Variants in SCAPER observed in about 807,000 individuals in gnomAD.
SCAPER encodes S phase cyclin A-associated protein in the endoplasmic reticulum.
A neutral mutation model predicts 182.2 loss-of-function variants in SCAPER; 98 were observed. The observed-to-expected ratio is 0.54, with a 90% CI of 0.46 to 0.64. The LOEUF (loss-of-function observed/expected upper bound fraction) is 0.64, where lower values mean the gene tolerates loss of function less well. SCAPER is among the 30% of genes least tolerant of loss of function. The pLI, the probability that SCAPER is intolerant of heterozygous loss-of-function variation, is 0.00. For synonymous variants in SCAPER, 605 were observed against 564.6 expected (o/e 1.07, Z -1.01); for missense variants, 1,432 against 1,690.0 (o/e 0.85, Z 2.68).
Position 76,665,754 on chromosome 15 carries a change from A to G in SCAPER, c.2544T>C (p.Ile848=). 6.5e-7 allele frequency: 1 copy of G among 1,543,124 alleles called. No homozygotes were observed. Among genetic ancestry groups the G allele is most frequent in the Non-Finnish European group, 8.7e-7 (1 of 1,144,818 alleles). ...CTGCTGGAGCTGTACTTTCAACCAC[A>G]ATGTCAATAATGTACTTCTTCAAGG... ...HLSLKKYIID[I]VVESTAPAEA... is the part of the protein sequence containing the mutation. The change falls in exon 21 of 32, where the codon ATT becomes ATC. Residue 848 remains isoleucine (I), a synonymous_variant. Coordinates refer to ENST00000563290, the MANE Select transcript of SCAPER (RefSeq NM_020843.4).
chr15:76,622,076 G>A (rs1028166673), intron 21 of SCAPER, among the ~76,000 whole-genome samples: 9 of 152,154 alleles, frequency 5.9e-5, no homozygotes, highest in Non-Finnish European at 1.2e-4. Flanking sequence ...AACGTGACCA[G>A]ACTCTCAAAG....
intron 28 of SCAPER, among the ~76,000 whole-genome samples, chr15:76,378,602 T>G (rs943354726): frequency 1.3e-5 from 2 of 152,216 alleles, no homozygotes; most frequent in African/African-American, 4.8e-5. Context: ...TAGACAGATG[T>G]GTTGCTTTAG....
intron 17 of SCAPER, among the ~76,000 whole-genome samples, chr15:76,723,129 T>C (rs966505327): frequency 5.3e-5 from 8 of 152,234 alleles, no homozygotes; most frequent in Admixed American, 5.2e-4. Flanking sequence ...GTATGTTGTG[T>C]CTTTGTTCTC....
At chr15:76,539,574 TC>T (rs1478495464) in intron 23 of SCAPER, among the ~76,000 whole-genome samples, 1 of 130,908 alleles carries the variant, frequency 7.6e-6, no homozygotes, top group Non-Finnish European at 1.6e-5. Context: ...TGAGACGGAG[TC>T]TCACTGTCTC....
chr15:76,619,534 C>A (rs890235047), intron 22 of SCAPER, among the ~76,000 whole-genome samples: 5 of 152,122 alleles, frequency 3.3e-5, no homozygotes, highest in African/African-American at 1.2e-4. Flanking sequence ...ATATTCCCAT[C>A]TTTTAGAGAG....
In SCAPER at chr15:76,800,272, T is replaced by C. The variant is rs2065674202; in HGVS notation, c.587A>G (p.Asn196Ser). 3 of 1,612,414 alleles carry C rather than the reference T, an allele frequency of 1.9e-6. No homozygotes were observed. The highest frequency in any genetic ancestry group is 2.5e-6 in the Non-Finnish European group (3 of 1,179,004). Residue 196 changes from asparagine (N) to serine (S), a missense_variant, in exon 7 of 32, where the codon AAT becomes AGT. Around this residue, in one of 5 missense-constraint regions of SCAPER, gnomAD observed 480 missense variants for 510.2 expected, o/e 0.94. Coordinates refer to ENST00000563290, the MANE Select transcript of SCAPER (RefSeq NM_020843.4). ...CCCAAAATTTAAGCTTCGTCGAGCATTTGATGTTACATTTATTCTATCTGT... is the reference window on the plus strand; with the variant it reads ...CCCAAAATTTAAGCTTCGTCGAGCACTTGATGTTACATTTATTCTATCTGT... ...PSTDRINVTSNARRSLNFGGS... is the reference protein window; with the variant it reads ...PSTDRINVTSSARRSLNFGGS...
At chr15:76,836,600 C>T (rs540605191) in intron 5 of SCAPER, among the ~76,000 whole-genome samples, 4 of 152,180 alleles carry the variant, frequency 2.6e-5, no homozygotes, top group Non-Finnish European at 4.4e-5. Flanking sequence ...AGGCTGGGCA[C>T]GGTGGCTCAC....
At chr15:76,527,850 G>A (rs2043322514) in intron 23 of SCAPER, among the ~76,000 whole-genome samples, 1 of 152,078 alleles carries the variant, frequency 6.6e-6, no homozygotes, top group African/African-American at 2.4e-5. Flanking sequence ...TATTTTTTAT[G>A]TATTTGGAGG....
intron 23 of SCAPER, among the ~76,000 whole-genome samples, chr15:76,526,886 G>A (rs1192499754): frequency 4.0e-5 from 6 of 151,084 alleles, no homozygotes; most frequent in Non-Finnish European, 4.4e-5. Flanking sequence ...TTTTTTAGGG[G>A]GGAACGTAGT....
chr15:76,419,387 C>T (rs750902894), intron 26 of SCAPER, among the ~76,000 whole-genome samples: 3 of 150,180 alleles, frequency 2.0e-5, no homozygotes, highest in Non-Finnish European at 3.0e-5. Flanking sequence ...GAAGTTATCA[C>T]TGCTGAATTC....
intron 15 of SCAPER, among the ~76,000 whole-genome samples, chr15:76,752,315 A>C (rs1358513804): frequency 6.6e-6 from 1 of 151,856 alleles, no homozygotes; most frequent in African/African-American, 2.4e-5. Context: ...TGTAGAAAAC[A>C]GCATGGTGAT....
intron 5 of SCAPER, among the ~76,000 whole-genome samples, chr15:76,829,946 G>A (rs1275010733): frequency 1.3e-5 from 2 of 152,102 alleles, no homozygotes; most frequent in South Asian, 2.1e-4. Context: ...CATTTCAACC[G>A]TGATATATAT....
chr15:76,667,656 A>C (rs1159113098), intron 20 of SCAPER, among the ~76,000 whole-genome samples: 1 of 117,798 alleles, frequency 8.5e-6, no homozygotes, highest in Non-Finnish European at 1.8e-5. Context: ...AAAAAAAAAA[A>C]AAAAAACGCT....
chr15:76,433,314 C>T (rs1227613526), intron 26 of SCAPER, among the ~76,000 whole-genome samples: 1 of 152,174 alleles, frequency 6.6e-6, no homozygotes, highest in African/African-American at 2.4e-5. Flanking sequence ...TTGAGACCAG[C>T]CTGGCAAACA....
In SCAPER at chr15:76,645,639, A is replaced by G. The variant is rs566318134; in HGVS notation, c.2645+20014T>C. 4.6e-5 allele frequency among the ~76,000 whole-genome samples: 7 copies of G among 152,102 alleles called. No homozygotes were observed. The East Asian group carries it at 1.4e-3, about 30-fold the overall frequency. ...AGTTTATCCTCCCTGGAATTAACCT[A>G]ATACTTATTTGTACCTTTCTTTTGT... On this transcript the variant is annotated intron_variant, in intron 21 of 31. Coordinates refer to ENST00000563290, the MANE Select transcript of SCAPER (RefSeq NM_020843.4).
chr15:76,349,720 C>G (rs1446031771), intron 31 of SCAPER: 1 of 151,578 alleles, frequency 6.6e-6, no homozygotes, highest in East Asian at 1.9e-4. Flanking sequence ...CCTTTCTGAG[C>G]AAAGGAGAGA....
At chr15:76,351,833 T>C (rs966979728) in intron 30 of SCAPER, among the ~76,000 whole-genome samples, 24 of 152,334 alleles carry the variant, frequency 1.6e-4, no homozygotes, top group Admixed American at 3.9e-4. Flanking sequence ...ATTCATTCTC[T>C]TGAGCACAAT....
intron 25 of SCAPER, among the ~76,000 whole-genome samples, chr15:76,435,440 A>C (rs2047138392): frequency 6.6e-6 from 1 of 152,142 alleles, no homozygotes; most frequent in African/African-American, 2.4e-5. Context: ...ATTTCCTGTC[A>C]AGTTCATATA....
intron 4 of SCAPER, among the ~76,000 whole-genome samples, chr15:76,847,810 A>C (rs2070272626): frequency 1.3e-5 from 2 of 152,146 alleles, no homozygotes; most frequent in African/African-American, 2.4e-5. Context: ...AGTCCCAGCC[A>C]CTCAGGAGGC....
Sources: allele counts gnomAD v4.1 joint callset (sites outside exome capture counted in the v4.1 genomes callset), GRCh38; gene constraint gnomAD v4.1.1; regional missense constraint gnomAD v4.1.1; transcripts MANE v1.5; gene names NCBI Gene and HGNC (gene_info 2026-07-23, HGNC 2026-07-21).